Variants in IL27RA observed in about 807,000 individuals in gnomAD.
IL27RA encodes the protein interleukin-27 receptor subunit alpha.
In IL27RA, 61 loss-of-function variants were observed where a neutral mutation model predicts 80.8. That is an observed-to-expected ratio of 0.76 (90% CI 0.61 to 0.93). The LOEUF (loss-of-function observed/expected upper bound fraction) is 0.93. Among genes scored for constraint, IL27RA ranks in the 40% least tolerant of loss-of-function variants. The pLI, the probability that IL27RA is intolerant of heterozygous loss-of-function variation, is 0.00. For missense variants in IL27RA, 735 were observed against 808.1 expected (o/e 0.91, Z 1.10); for synonymous variants, 316 against 332.5 (o/e 0.95, Z 0.54).
chr19:14,050,469 T>G (rs1319449175), intron 10 of IL27RA, among the ~76,000 whole-genome samples: 3 of 140,288 alleles, frequency 2.1e-5, no homozygotes, highest in Non-Finnish European at 3.0e-5. Context: ...ATGACTGCAC[T>G]CCATCCTGGG....
Position 14,052,849 on chromosome 19 carries a change from AG to A in IL27RA, c.*561del, listed in dbSNP as rs2145699466. ...ACCTCTGATTGCACCACTGCACTCC[AG>A]GCTGGGTAACAGAATGAGACCTTAT... On this transcript the variant is annotated 3_prime_UTR_variant, in exon 14 of 14. Transcript: ENST00000263379. The A allele has an allele frequency of 6.6e-6, 1 of 151,930 alleles. No homozygotes were observed. Among genetic ancestry groups the A allele is most frequent in the South Asian group, 2.1e-4 (1 of 4,794 alleles). The allele number at this position is 151,930 out of a possible 1,614,324, so 9.4% of individuals were successfully genotyped here. A position where few individuals can be genotyped will look rare whatever the true frequency, so the allele number is the denominator to read the frequency against.
At chr19:14,047,492 G>A (rs903188123) in intron 8 of IL27RA, among the ~76,000 whole-genome samples, 2 of 150,070 alleles carry the variant, frequency 1.3e-5, no homozygotes, top group African/African-American at 4.9e-5. Flanking sequence ...GAGTGACTGG[G>A]ATCACAGGCC....
Position 14,033,492 on chromosome 19 carries a change from A to T in IL27RA, c.218+989A>T, listed in dbSNP as rs186881054. Among the ~76,000 whole-genome samples the T allele has an allele frequency of 1.7e-3, 264 of 152,056 alleles. 2 individuals carry two copies. The highest frequency in any genetic ancestry group is 3.0e-3 in the Non-Finnish European group (201 of 67,980). On this transcript the variant is annotated intron_variant, in intron 2 of 13. Transcript: ENST00000263379. Reference sequence around the variant, plus strand: ...ACACCTATAATCCCAGCACTTTGAGAGGCCGAGGTGGGCAGATTACTTGAG... The same window carrying T: ...ACACCTATAATCCCAGCACTTTGAGTGGCCGAGGTGGGCAGATTACTTGAG...
chr19:14,036,005 C>A (rs1330484126), intron 2 of IL27RA, among the ~76,000 whole-genome samples: 1 of 149,272 alleles, frequency 6.7e-6, no homozygotes, highest in Non-Finnish European at 1.5e-5. Flanking sequence ...CTTTGGGAGG[C>A]CGAGGCAGAA....
chr19:14,046,590 C>G lies in IL27RA; in HGVS notation c.1113C>G (p.Pro371=). 6.2e-7 allele frequency: 1 copy of G among 1,610,780 alleles called. No individual in the cohort carries two copies. Among genetic ancestry groups the G allele is most frequent in the Non-Finnish European group, 8.5e-7 (1 of 1,178,222 alleles). ...PLEKLNWVRL[P]PGNLSALLPG... Reference sequence around the variant, plus strand: ...AGAAACTCAACTGGGTCCGGCTTCCCCCTGGGAACCTCAGTGCTCTGTTAC... The same window carrying G: ...AGAAACTCAACTGGGTCCGGCTTCCGCCTGGGAACCTCAGTGCTCTGTTAC... The change falls in exon 8 of 14, where the codon CCC becomes CCG. Residue 371 remains proline, a synonymous_variant. Transcript: ENST00000263379.
intron 2 of IL27RA, among the ~76,000 whole-genome samples, chr19:14,035,341 A>C (rs1975882209): frequency 6.6e-6 from 1 of 151,668 alleles, no homozygotes; most frequent in Non-Finnish European, 1.5e-5. Flanking sequence ...GTTCAGTGGC[A>C]TTAAGTACAT....
chr19:14,031,928 T>C lies in IL27RA; in HGVS notation c.56T>C (p.Leu19Pro). 5 of 1,609,918 alleles carry C rather than the reference T, an allele frequency of 3.1e-6. No homozygotes were observed. Among genetic ancestry groups the C allele is most frequent in the Non-Finnish European group, 4.2e-6 (5 of 1,178,476 alleles). ...FWLWPLPKLA[L>P]LPLLWVLFQR... is the part of the protein sequence containing the mutation. ...CTGTGGCCGCTGCCCAAGCTGGCGC[T>C]GCTGCCTCTGTTGTGGGTGCTTTTC... is the stretch of plus-strand genomic sequence containing the variant. Residue 19 changes from leucine (L) to proline (P), a missense_variant, in exon 1 of 14, where the codon CTG (leucine) becomes CCG (proline). Leu to Pro is a moderately conservative substitution (Grantham distance 98, BLOSUM62 -3). Coordinates refer to ENST00000263379, the MANE Select transcript of IL27RA (RefSeq NM_004843.4).
Position 14,049,858 on chromosome 19 carries a change from G to A in IL27RA, c.1402+544G>A, listed in dbSNP as rs150705345. On this transcript the variant is annotated intron_variant, in intron 10 of 13. Transcript: ENST00000263379. ...CTCCCAAAGTGCGGGGATTATAGGT[G>A]TGAGCCACTGCGCCCGGCCTATATA... Among the ~76,000 whole-genome samples the A allele has an allele frequency of 8.3e-3, 1,268 of 152,070 alleles. 15 individuals carry two copies. The highest frequency in any genetic ancestry group is 0.029 in the African/African-American group (1,210 of 41,518).
At chr19:14,046,133 C>T (rs1287848593) in intron 6 of IL27RA, 21 bp from the exon 7 acceptor site, 1 of 1,607,424 alleles carries the variant, frequency 6.2e-7, no homozygotes, top group Admixed American at 1.7e-5. Flanking sequence ...ACATTAACCC[C>T]TTTTTCCCTT....
chr19:14,036,737 C>T (rs1380123472), intron 2 of IL27RA, among the ~76,000 whole-genome samples: 2 of 152,176 alleles, frequency 1.3e-5, no homozygotes, highest in Non-Finnish European at 2.9e-5. Flanking sequence ...ATCCACCCAC[C>T]TCGGCCTCCC....
At chr19:14,038,532 C>G (rs1442399449) in intron 2 of IL27RA, among the ~76,000 whole-genome samples, 2 of 143,460 alleles carry the variant, frequency 1.4e-5, no homozygotes, top group Non-Finnish European at 3.0e-5. Context: ...GATCTATGAT[C>G]GCACTGCTCC....
intron 6 of IL27RA, among the ~76,000 whole-genome samples, chr19:14,044,826 A>G (rs1476993166): frequency 6.6e-6 from 1 of 151,712 alleles, no homozygotes; most frequent in African/African-American, 2.4e-5. Context: ...ATCTATACAG[A>G]GAATAAAACA....
chr19:14,050,005 A>C (rs1282896043), intron 10 of IL27RA, among the ~76,000 whole-genome samples: 1 of 151,724 alleles, frequency 6.6e-6, no homozygotes, highest in Non-Finnish European at 1.5e-5. Context: ...CCTGGCCAAC[A>C]TGGTGAAACC....
At chr19:14,035,821 C>T (rs10417894) in intron 2 of IL27RA, among the ~76,000 whole-genome samples, 51,087 of 151,810 alleles carry the variant, frequency 0.34, 11,333 homozygotes, top group African/African-American at 0.63. Flanking sequence ...TGCTCTGTCA[C>T]CCAGGCTAGA....
chr19:14,034,995 T>C (rs552793746), intron 2 of IL27RA, among the ~76,000 whole-genome samples: 2 of 152,044 alleles, frequency 1.3e-5, no homozygotes, highest in Admixed American at 1.3e-4. Flanking sequence ...TAACGATATT[T>C]TTAAAAATTT....
Position 14,051,609 on chromosome 19 carries a change from A to T in IL27RA, c.1531A>T (p.Asn511Tyr). Residue 511 changes from asparagine (N) to tyrosine (Y), a missense_variant and splice_region_variant, in exon 12 of 14, where the codon AAC (asparagine) becomes TAC (tyrosine). By Grantham distance (143) the Asn-to-Tyr change is moderately radical. Transcript: ENST00000263379. ...TGATCTCTTCCCTACCCTACCAGAT[A>T]ACACCCTGAGGTGGAAAGTTCTGCC... ...GPILRLHLPD[N>Y]TLRWKVLPGI... 1 of 1,590,768 alleles carries T rather than the reference A, an allele frequency of 6.3e-7. No individual in the cohort carries two copies. Among genetic ancestry groups the T allele is most frequent in the Non-Finnish European group, 8.6e-7 (1 of 1,163,494 alleles).
intron 2 of IL27RA, among the ~76,000 whole-genome samples, chr19:14,037,915 C>G (rs1975930347): frequency 6.6e-6 from 1 of 150,706 alleles, no homozygotes; most frequent in African/African-American, 2.4e-5. Context: ...ACTGCAACCT[C>G]CAACTCCCTG....
chr19:14,045,328 G>A (rs1026401012), intron 6 of IL27RA, among the ~76,000 whole-genome samples: 4 of 150,350 alleles, frequency 2.7e-5, no homozygotes, highest in East Asian at 2.0e-4. Flanking sequence ...GGTGGCTCAC[G>A]CCTGTAATCC....
In IL27RA at chr19:14,052,329, G is replaced by T; in HGVS notation, c.*39G>T. 1 of 1,425,588 alleles carries T rather than the reference G, an allele frequency of 7.0e-7. No individual in the cohort carries two copies. 88.3% of individuals were successfully genotyped at this position (1,425,588 alleles called of 1,614,324 possible). A position where few individuals can be genotyped will look rare whatever the true frequency, so the allele number is the denominator to read the frequency against. ...CTGGGGGCTGCCAGCCAGGCTAGAG[G>T]GATGCTCATGCAGGTTGCACCCCAG... is the stretch of plus-strand genomic sequence containing the variant. On this transcript the variant is annotated 3_prime_UTR_variant, in exon 14 of 14. Coordinates refer to ENST00000263379, the MANE Select transcript of IL27RA (RefSeq NM_004843.4).
Sources: allele counts gnomAD v4.1 joint callset (sites outside exome capture counted in the v4.1 genomes callset), GRCh38; gene constraint gnomAD v4.1.1; transcripts MANE v1.5; gene names NCBI Gene and HGNC (gene_info 2026-07-23, HGNC 2026-07-21).